The following CSGALNACT1 variants were observed in gnomAD, a reference collection of about 807,000 sequenced individuals.
CSGALNACT1 encodes the protein chondroitin sulfate N-acetylgalactosaminyltransferase 1.
A neutral mutation model predicts 51.0 loss-of-function variants in CSGALNACT1; 52 were observed. The ratio of observed to expected loss-of-function variants is 1.02; its 90% CI spans 0.82 to 1.29. The LOEUF is 1.29. Ranked by LOEUF, CSGALNACT1 falls within the 50% of genes most tolerant of loss-of-function variation. The pLI is 0.00. For synonymous variants in CSGALNACT1, 341 were observed against 254.4 expected (o/e 1.34, Z -3.24); for missense variants, 935 against 679.2 (o/e 1.38, Z -4.19).
chr8:19,654,399 A>C (rs1017860407), intron 1 of CSGALNACT1, among the ~76,000 whole-genome samples: 1 of 152,186 alleles, frequency 6.6e-6, no homozygotes, highest in South Asian at 2.1e-4. Flanking sequence ...GACGCACTGG[A>C]AAGAGAAAAG....
intron 3 of CSGALNACT1, among the ~76,000 whole-genome samples, chr8:19,512,112 C>T (rs2078577964): frequency 6.6e-6 from 1 of 152,160 alleles, no homozygotes; most frequent in Admixed American, 6.5e-5. Flanking sequence ...AGTGGTATGG[C>T]ATTTGTGAGA....
chr8:19,704,416 C>A (rs2062045458), intron 1 of CSGALNACT1, among the ~76,000 whole-genome samples: 2 of 152,244 alleles, frequency 1.3e-5, no homozygotes, highest in South Asian at 2.1e-4. Flanking sequence ...ATGAAAAAGT[C>A]AAAAATATCA....
chr8:19,658,657 C>A (rs1047640909), intron 1 of CSGALNACT1, among the ~76,000 whole-genome samples: 13 of 152,096 alleles, frequency 8.5e-5, no homozygotes, highest in African/African-American at 2.9e-4. Context: ...TCACTTGAAC[C>A]TGGGGGGCAG....
chr8:19,603,680 TA>T (rs921217786), upstream of CSGALNACT1, among the ~76,000 whole-genome samples: 2 of 152,236 alleles, frequency 1.3e-5, no homozygotes, highest in African/African-American at 4.8e-5. Context: ...CCCAACCACT[TA>T]AATTTTCTTT....
intron 3 of CSGALNACT1, among the ~76,000 whole-genome samples, chr8:19,590,790 C>T (rs1267953075): frequency 1.3e-5 from 2 of 151,788 alleles, no homozygotes; most frequent in Admixed American, 6.6e-5. Context: ...GCTGGGATTA[C>T]AGGTGTCCAC....
intron 2 of CSGALNACT1, among the ~76,000 whole-genome samples, chr8:19,596,051 G>C (rs551738906): frequency 1.3e-4 from 20 of 151,988 alleles, no homozygotes; most frequent in African/African-American, 4.3e-4. Flanking sequence ...TATTTTTATA[G>C]AGACAGGGGT....
chr8:19,478,474 G>A (rs1278767242), intron 4 of CSGALNACT1, among the ~76,000 whole-genome samples: 2 of 146,806 alleles, frequency 1.4e-5, no homozygotes, highest in Non-Finnish European at 1.5e-5. Context: ...CAGAGATTCC[G>A]ATTTAATTAT....
chr8:19,417,992 G>A (rs1178796737), intron 8 of CSGALNACT1, among the ~76,000 whole-genome samples: 1 of 152,142 alleles, frequency 6.6e-6, no homozygotes. Context: ...ACCCTACAGG[G>A]ACCCTTGGGG....
intron 4 of CSGALNACT1, among the ~76,000 whole-genome samples, chr8:19,482,531 G>A (rs2071700100): frequency 6.6e-6 from 1 of 151,996 alleles, no homozygotes; most frequent in African/African-American, 2.4e-5. Context: ...CTCAATATTC[G>A]ATGCTAATGC....
At chr8:19,754,818 C>T (rs1475852867) in intron 1 of CSGALNACT1, among the ~76,000 whole-genome samples, 1 of 152,052 alleles carries the variant, frequency 6.6e-6, no homozygotes, top group Admixed American at 6.5e-5. Flanking sequence ...TGAAGAGGTC[C>T]CCTAGTGGCG....
At chr8:19,746,900 T>A (rs985783177) in intron 1 of CSGALNACT1, among the ~76,000 whole-genome samples, 4 of 152,180 alleles carry the variant, frequency 2.6e-5, no homozygotes, top group African/African-American at 9.7e-5. Context: ...ACTTGGTGGT[T>A]TCACACACTG....
rs79623783 is a variant in CSGALNACT1, at chr8:19,411,191, C to T, written c.1228-2497G>A. Among the ~76,000 whole-genome samples, 406 of 152,300 alleles carry T rather than the reference C, an allele frequency of 2.7e-3. 1 individual carries two copies. Among genetic ancestry groups the T allele is most frequent in the African/African-American group, 9.5e-3 (393 of 41,570 alleles). On this transcript the variant is annotated intron_variant, in intron 8 of 9. Transcript: ENST00000454498. ...CAATGTCACTATTCAGAGTGGTCGT[C>T]CTGACCCTCCTGGCCCATGTTATGC...
chr8:19,441,688 G>C (rs1312957519), intron 5 of CSGALNACT1, among the ~76,000 whole-genome samples: 1 of 152,100 alleles, frequency 6.6e-6, no homozygotes, highest in African/African-American at 2.4e-5. Context: ...AACACCAAAA[G>C]CAATGGCAAC....
chr8:19,406,050 G>C, exon 10 of CSGALNACT1: 1 of 1,614,138 alleles, frequency 6.2e-7, no homozygotes, highest in Non-Finnish European at 8.5e-7. Context: ...CCCAGCCTTT[G>C]ATGTCCAGAT....
At chr8:19,537,118 C>T (rs1219762803) in intron 3 of CSGALNACT1, among the ~76,000 whole-genome samples, 1 of 152,186 alleles carries the variant, frequency 6.6e-6, no homozygotes. Flanking sequence ...CCTTATTAAC[C>T]TTTAAGCAGA....
chr8:19,692,966 C>T (rs576062537), intron 1 of CSGALNACT1, among the ~76,000 whole-genome samples: 31 of 152,322 alleles, frequency 2.0e-4, no homozygotes, highest in African/African-American at 7.5e-4. Flanking sequence ...TCAACATTCT[C>T]GCAGGCTTGC....
chr8:19,654,237 C>A (rs1363962364), intron 1 of CSGALNACT1, among the ~76,000 whole-genome samples: 1 of 152,154 alleles, frequency 6.6e-6, no homozygotes, highest in Non-Finnish European at 1.5e-5. Context: ...ACAACAGAAA[C>A]TGGAAATGCT....
intron 1 of CSGALNACT1, among the ~76,000 whole-genome samples, chr8:19,725,852 C>T (rs2154242424): frequency 6.6e-6 from 1 of 152,226 alleles, no homozygotes; most frequent in East Asian, 1.9e-4. Context: ...TACTCACATA[C>T]CCTAGCAGAG....
chr8:19,546,606 G>T (rs886780629), intron 3 of CSGALNACT1, among the ~76,000 whole-genome samples: 1 of 152,170 alleles, frequency 6.6e-6, no homozygotes, highest in African/African-American at 2.4e-5. Context: ...ATGCTGCACA[G>T]CCACATCCAC....
Sources: allele counts gnomAD v4.1 joint callset (sites outside exome capture counted in the v4.1 genomes callset), GRCh38; gene constraint gnomAD v4.1.1; transcripts MANE v1.5; gene names NCBI Gene and HGNC (gene_info 2026-07-23, HGNC 2026-07-21).